The following TRIM24 variants were observed in gnomAD, a reference collection of about 807,000 sequenced individuals.
TRIM24 encodes the protein transcription intermediary factor 1-alpha.
TRIM24 carries 29 observed loss-of-function variants against 123.9 expected under a neutral mutation model. The observed-to-expected ratio is 0.23, with a 90% confidence interval of 0.17 to 0.32. TRIM24 has a LOEUF of 0.32. Ranked by LOEUF, TRIM24 falls within the 10% of genes least tolerant of loss-of-function variation. The pLI is 1.00. For synonymous variants in TRIM24, 456 were observed against 461.1 expected (o/e 0.99, Z 0.14); for missense variants, 932 against 1,295.3 (o/e 0.72, Z 4.31).
At chr7:138,535,202 T>A (rs1796841486) in intron 6 of TRIM24, among the ~76,000 whole-genome samples, 1 of 152,200 alleles carries the variant, frequency 6.6e-6, no homozygotes, top group African/African-American at 2.4e-5. Context: ...ATTGGAGCAT[T>A]TAGCCCATTT....
intron 3 of TRIM24, among the ~76,000 whole-genome samples, chr7:138,516,726 T>G (rs771797072): frequency 2.0e-5 from 3 of 152,222 alleles, no homozygotes; most frequent in Non-Finnish European, 4.4e-5. Context: ...GTATTTGTCC[T>G]TTGATATCTA....
intron 5 of TRIM24, among the ~76,000 whole-genome samples, chr7:138,528,783 AC>A (rs202047925): frequency 0.63 from 50,848 of 80,762 alleles, 14,267 homozygotes; most frequent in Admixed American, 0.68. Context: ...GTCCACCCCC[AC>A]CCCCCCCCCC....
intron 7 of TRIM24, among the ~76,000 whole-genome samples, chr7:138,540,906 T>C (rs1796989968): frequency 6.6e-6 from 1 of 152,202 alleles, no homozygotes; most frequent in Non-Finnish European, 1.5e-5. Flanking sequence ...TGGTGTGATC[T>C]TAGCTCACTG....
intron 5 of TRIM24, among the ~76,000 whole-genome samples, chr7:138,528,390 A>G (rs1270389317): frequency 6.6e-6 from 1 of 152,136 alleles, no homozygotes; most frequent in Non-Finnish European, 1.5e-5. Flanking sequence ...TTTGAGCCCT[A>G]GCTTCTTAGA....
At chr7:138,531,734 G>C (rs1042949173) in intron 6 of TRIM24, among the ~76,000 whole-genome samples, 7 of 152,196 alleles carry the variant, frequency 4.6e-5, no homozygotes, top group Non-Finnish European at 8.8e-5. Flanking sequence ...TATATACCCA[G>C]TAATGGAATG....
chr7:138,513,025 T>C (rs1264657910), intron 2 of TRIM24, among the ~76,000 whole-genome samples: 3 of 152,158 alleles, frequency 2.0e-5, no homozygotes, highest in Non-Finnish European at 2.9e-5. Context: ...CCAGATACTC[T>C]AAATAATCTC....
intron 9 of TRIM24, among the ~76,000 whole-genome samples, chr7:138,563,354 C>G (rs1249809511): frequency 6.6e-6 from 1 of 152,194 alleles, no homozygotes; most frequent in Non-Finnish European, 1.5e-5. Context: ...TCCCTTTTAG[C>G]ATCATGCACA....
intron 1 of TRIM24, chr7:138,490,508 C>T: frequency 5.3e-6 from 1 of 188,418 alleles, no homozygotes; most frequent in East Asian, 1.7e-4. Context: ...CCTATTGCCC[C>T]TTCCTCCTAG....
intron 7 of TRIM24, among the ~76,000 whole-genome samples, chr7:138,544,845 C>A (rs1797069796): frequency 6.6e-6 from 1 of 152,164 alleles, no homozygotes; most frequent in Admixed American, 6.5e-5. Flanking sequence ...ACTCTTTGCC[C>A]ATTTCTTAAT....
intron 6 of TRIM24, among the ~76,000 whole-genome samples, chr7:138,536,942 C>T (rs545893855): frequency 4.2e-4 from 64 of 152,320 alleles, no homozygotes; most frequent in African/African-American, 1.0e-3. Flanking sequence ...GCCTCGCTGC[C>T]GCCTTGCAGT....
intron 1 of TRIM24, among the ~76,000 whole-genome samples, chr7:138,503,102 C>G (rs1407686043): frequency 1.3e-5 from 2 of 152,028 alleles, no homozygotes; most frequent in South Asian, 2.1e-4. Flanking sequence ...CCTTTTCCCA[C>G]TGATTTCTAG....
At chr7:138,497,373 G>A (rs538719519) in intron 1 of TRIM24, among the ~76,000 whole-genome samples, 2 of 150,190 alleles carry the variant, frequency 1.3e-5, no homozygotes, top group South Asian at 2.1e-4. Flanking sequence ...TGGCCGATGG[G>A]AAGGTTTCAA....
chr7:138,559,412 G>T (rs1039860371), intron 9 of TRIM24, among the ~76,000 whole-genome samples: 1 of 152,132 alleles, frequency 6.6e-6, no homozygotes, highest in African/African-American at 2.4e-5. Flanking sequence ...AGAGGTCTTT[G>T]CCCCCAGGAG....
chr7:138,497,998 TG>T (rs1212472379), intron 1 of TRIM24, among the ~76,000 whole-genome samples: 1 of 151,834 alleles, frequency 6.6e-6, no homozygotes, highest in Non-Finnish European at 1.5e-5. Flanking sequence ...TGACCCTGTG[TG>T]GTTTTTTTAT....
chr7:138,534,025 G>A (rs1796809728), intron 6 of TRIM24, among the ~76,000 whole-genome samples: 1 of 152,160 alleles, frequency 6.6e-6, no homozygotes, highest in Non-Finnish European at 1.5e-5. Flanking sequence ...AGTATTCTCT[G>A]ATGGTAGTTT....
intron 1 of TRIM24, among the ~76,000 whole-genome samples, chr7:138,462,781 A>G (rs376850393): frequency 1.2e-4 from 19 of 152,180 alleles, no homozygotes; most frequent in African/African-American, 4.6e-4. Context: ...GGACACTCTC[A>G]GATCCTTCGC....
intron 14 of TRIM24, among the ~76,000 whole-genome samples, chr7:138,578,919 G>GTTATATATATATATAT: frequency 6.8e-6 from 1 of 147,882 alleles, no homozygotes; most frequent in African/African-American, 2.6e-5. Flanking sequence ...GCTCCAGTGA[G>GTTATATATATATATAT]GTATATATAT....
chr7:138,527,897 AC>A (rs1454922430), intron 5 of TRIM24, among the ~76,000 whole-genome samples: 9 of 152,000 alleles, frequency 5.9e-5, no homozygotes, highest in Non-Finnish European at 8.8e-5. Context: ...TGGGCCTAGA[AC>A]AAAGGCTGGG....
chr7:138,572,021 AG>A lies in TRIM24; in HGVS notation c.1878+1020del, dbSNP rs373262572. 3.8e-3 allele frequency among the ~76,000 whole-genome samples: 576 copies of A among 152,340 alleles called. 5 individuals carry two copies. Among genetic ancestry groups the A allele is most frequent in the African/African-American group, 0.013 (547 of 41,580 alleles). On this transcript the variant is annotated intron_variant, in intron 11 of 18. Coordinates refer to ENST00000343526, the MANE Select transcript of TRIM24 (RefSeq NM_015905.3). ...ACGCACCTAATGTTAAGAAGCTTTT[AG>A]GAAATATCTTGTACTCTTTACTTGG...
Sources: allele counts gnomAD v4.1 joint callset (sites outside exome capture counted in the v4.1 genomes callset), GRCh38; gene constraint gnomAD v4.1.1; transcripts MANE v1.5; gene names NCBI Gene and HGNC (gene_info 2026-07-23, HGNC 2026-07-21).